Variants in TM9SF2 observed in about 807,000 individuals in gnomAD.
The protein encoded by TM9SF2 is 76 kDa membrane protein.
In TM9SF2, 13 loss-of-function variants were observed where a neutral mutation model predicts 84.9. The observed-to-expected ratio is 0.15, with a 90% confidence interval of 0.10 to 0.24. The LOEUF (loss-of-function observed/expected upper bound fraction) is 0.24, where lower values mean the gene tolerates loss of function less well. Among genes scored for constraint, TM9SF2 ranks in the 10% least tolerant of loss-of-function variants. The pLI is 1.00. For synonymous variants in TM9SF2, 273 were observed against 285.8 expected, an observed-to-expected ratio of 0.96 and a Z score of 0.45; for missense variants, 562 against 818.5, an observed-to-expected ratio of 0.69 and a Z score of 3.82.
chr13:99,558,756 A>G (rs2046333914), intron 15 of TM9SF2, among the ~76,000 whole-genome samples: 1 of 152,016 alleles, frequency 6.6e-6, no homozygotes, highest in South Asian at 2.1e-4. Flanking sequence ...GTGTGTATTT[A>G]GGATTTTCTA....
At chr13:99,538,363 ATTT>A (rs59982617) in intron 6 of TM9SF2, among the ~76,000 whole-genome samples, 1 of 150,668 alleles carries the variant, frequency 6.6e-6, no homozygotes, top group African/African-American at 2.4e-5. Flanking sequence ...TATTTATGAG[ATTT>A]TTTTTTTAAA....
At chr13:99,514,084 A>G (rs2046124438) in intron 1 of TM9SF2, 2 of 152,274 alleles carry the variant, frequency 1.3e-5, no homozygotes, top group Admixed American at 1.3e-4. Context: ...GTTTTGGTCA[A>G]CGACAGACCA....
chr13:99,536,942 A>G (rs924822382), intron 5 of TM9SF2, among the ~76,000 whole-genome samples: 3 of 152,172 alleles, frequency 2.0e-5, no homozygotes, highest in African/African-American at 4.8e-5. Flanking sequence ...ATTCAGTTCA[A>G]CATTTACTGA....
intron 11 of TM9SF2, among the ~76,000 whole-genome samples, chr13:99,547,830 G>GA (rs2046289968): frequency 6.6e-6 from 1 of 152,164 alleles, no homozygotes; most frequent in Non-Finnish European, 1.5e-5. Flanking sequence ...CTAGCAATGT[G>GA]AAAAAGTTTT....
chr13:99,501,716 A>G lies in TM9SF2; in HGVS notation c.110A>G (p.Tyr37Cys). 6.2e-7 allele frequency: 1 copy of G among 1,610,932 alleles called. No homozygotes were observed. Among genetic ancestry groups the G allele is most frequent in the Non-Finnish European group, 8.5e-7 (1 of 1,179,302 alleles). The change falls in exon 1 of 17, where the codon TAC becomes TGC. Residue 37 changes from tyrosine (Y) to cysteine (C), a missense_variant. Physicochemically the swap from Tyr to Cys is radical, Grantham distance 194 (BLOSUM62 -2). Coordinates refer to ENST00000376387, the MANE Select transcript of TM9SF2 (RefSeq NM_004800.3). ...GGCCCGCGCCGGAGCGGCGCTTTCTACCTGCCCGGCCTGGCGCCCGTCAAC... is the reference window on the plus strand; with the variant it reads ...GGCCCGCGCCGGAGCGGCGCTTTCTGCCTGCCCGGCCTGGCGCCCGTCAAC... Reference protein sequence around the residue: ...VPGPRRSGAFYLPGLAPVNFC... With the variant: ...VPGPRRSGAFCLPGLAPVNFC...
In TM9SF2 at chr13:99,543,854, C is replaced by A. The variant is rs2046271664; in HGVS notation, c.1018-9C>A. The A allele has an allele frequency of 6.2e-7, 1 of 1,613,008 alleles. No homozygotes were observed. The highest frequency in any genetic ancestry group is 1.7e-4 in the Middle Eastern group (1 of 6,060). ...TGAGACAATCGAACTGATTTCATTC[C>A]CCTTTTAGGAAGATGCCCAGGAAGA... On this transcript the variant is annotated splice_polypyrimidine_tract_variant and intron_variant, in intron 9 of 16. Coordinates refer to ENST00000376387, the MANE Select transcript of TM9SF2 (RefSeq NM_004800.3).
chr13:99,563,610 C>G lies in TM9SF2; in HGVS notation c.*852C>G, dbSNP rs1218434624. On this transcript the variant is annotated 3_prime_UTR_variant, in exon 17 of 17. Transcript: ENST00000376387. ...TAGAGGAGGTTGAAGTCATGCATAT[C>G]TAGACAGATGAATTATCTGCAAGTA... 6.6e-6 allele frequency: 1 copy of G among 152,186 alleles called. No individual in the cohort carries two copies. The highest frequency in any genetic ancestry group is 1.5e-5 in the Non-Finnish European group (1 of 68,028). 9.4% of individuals were successfully genotyped at this position (152,186 alleles called of 1,614,324 possible).
chr13:99,531,022 G>A (rs61972544), intron 4 of TM9SF2, among the ~76,000 whole-genome samples: 4,815 of 151,928 alleles, frequency 0.032, 109 homozygotes, highest in Middle Eastern at 0.11. Flanking sequence ...CACCACACCT[G>A]GCTAATTTTT....
chr13:99,536,499 A>G (rs1250164682), intron 4 of TM9SF2, 109 bp from the exon 5 acceptor site: 1 of 1,314,018 alleles, frequency 7.6e-7, no homozygotes. Flanking sequence ...TGTAATCTTA[A>G]GGCATTTACA....
intron 4 of TM9SF2, among the ~76,000 whole-genome samples, chr13:99,533,894 C>G (rs1279034364): frequency 6.6e-6 from 1 of 152,192 alleles, no homozygotes; most frequent in Non-Finnish European, 1.5e-5. Flanking sequence ...TGCTCTCGAA[C>G]TCCTGACCTC....
At position 99,549,163 on chromosome 13, in the gene TM9SF2, A is replaced by G; in HGVS notation, c.1271-2A>G. On this transcript the variant is annotated splice_acceptor_variant, in intron 11 of 16. Transcript: ENST00000376387. LOFTEE classifies it high-confidence loss of function. ...TTATACAACTTTTGTTTTCTTCTAT[A>G]GCCTTTGGAGGTGAGAAGTGGAAAA... The G allele has an allele frequency of 6.2e-7, 1 of 1,612,318 alleles. No homozygotes were observed. The highest frequency in any genetic ancestry group is 8.5e-7 in the Non-Finnish European group (1 of 1,179,066).
intron 10 of TM9SF2, among the ~76,000 whole-genome samples, chr13:99,545,839 A>G (rs1594058624): frequency 6.6e-6 from 1 of 152,198 alleles, no homozygotes; most frequent in East Asian, 1.9e-4. Context: ...TGCTGGGGTT[A>G]CAGGCGTGAG....
At position 99,562,767 on chromosome 13, in the gene TM9SF2, A is replaced by G. The variant is rs1240293865; in HGVS notation, c.*9A>G. The G allele has an allele frequency of 1.2e-6, 2 of 1,611,402 alleles. No homozygotes were observed. Among genetic ancestry groups the G allele is most frequent in the Non-Finnish European group, 1.7e-6 (2 of 1,178,974 alleles). ...TGGTGAAGGTTGACTGAAGAAGTCC[A>G]GTGTGTCCAGTTAAAACAGAAATAA... On this transcript the variant is annotated 3_prime_UTR_variant, in exon 17 of 17. Transcript: ENST00000376387.
chr13:99,543,437 C>G (rs1296113420), intron 9 of TM9SF2, among the ~76,000 whole-genome samples: 1 of 152,192 alleles, frequency 6.6e-6, no homozygotes, highest in African/African-American at 2.4e-5. Context: ...ATGTTTACAT[C>G]CATGCTTACT....
chr13:99,559,055 C>T (rs879853645), intron 15 of TM9SF2, among the ~76,000 whole-genome samples: 1 of 152,180 alleles, frequency 6.6e-6, no homozygotes, highest in Admixed American at 6.5e-5. Flanking sequence ...ATTTGCACAT[C>T]GCTTTTCTTT....
intron 3 of TM9SF2, among the ~76,000 whole-genome samples, chr13:99,522,750 C>G (rs1485146558): frequency 6.6e-6 from 1 of 152,176 alleles, no homozygotes; most frequent in Non-Finnish European, 1.5e-5. Context: ...GCAAAATACT[C>G]AAACCCATGG....
chr13:99,501,750 C>A lies in TM9SF2; in HGVS notation c.144C>A (p.Asp48Glu), dbSNP rs1255658681. 6.2e-7 allele frequency: 1 copy of A among 1,610,686 alleles called. No individual in the cohort carries two copies. Among genetic ancestry groups the A allele is most frequent in the Non-Finnish European group, 8.5e-7 (1 of 1,179,182 alleles). Residue 48 changes from aspartate to glutamate, a missense_variant, in exon 1 of 17, where the codon GAC becomes GAA. Physicochemically the swap from Asp to Glu is conservative, Grantham distance 45. Coordinates refer to ENST00000376387, the MANE Select transcript of TM9SF2 (RefSeq NM_004800.3). ...GCCTGGCGCCCGTCAACTTCTGCGA[C>A]GAAGAAAAAAAGAGCGACGAGTGCA... ...LPGLAPVNFC[D>E]EEKKSDECKA...
Position 99,513,024 on chromosome 13 carries a change from A to ACTTTAATTTAAT in TM9SF2, c.172-4590_172-4589insCTTTAATTTAAT, listed in dbSNP as rs1387983840. ...AGTTATATGAGACAGCAAAAAGTAA[A>ACTTTAATTTAAT]TTAATTTGCTCAAGGACAAATTGAG... On this transcript the variant is annotated intron_variant, in intron 1 of 16. Coordinates refer to ENST00000376387, the MANE Select transcript of TM9SF2 (RefSeq NM_004800.3). Among the ~76,000 whole-genome samples the ACTTTAATTTAAT allele has an allele frequency of 7.2e-5, 11 of 152,366 alleles. 1 individual carries two copies. The South Asian group carries it at 1.0e-3, about 14-fold the overall frequency.
intron 14 of TM9SF2, 51 bp downstream of exon 14, chr13:99,554,506 T>G (rs2046318387): frequency 6.4e-7 from 1 of 1,558,450 alleles, no homozygotes; most frequent in Non-Finnish European, 8.7e-7. Flanking sequence ...TATGTAATAT[T>G]TCCTTTTTGT....
Sources: allele counts gnomAD v4.1 joint callset (sites outside exome capture counted in the v4.1 genomes callset), GRCh38; gene constraint gnomAD v4.1.1; transcripts MANE v1.5; gene names NCBI Gene and HGNC (gene_info 2026-07-23, HGNC 2026-07-21).